Variants in NR5A1 observed in about 807,000 individuals in gnomAD.
NR5A1 encodes the protein nuclear receptor subfamily 5 group A member 1.
Under a neutral mutation model 42.7 loss-of-function variants are expected in NR5A1, and 6 were observed. The observed-to-expected ratio is 0.14, with a 90% CI of 0.08 to 0.28. The LOEUF (loss-of-function observed/expected upper bound fraction) is 0.28. NR5A1 is among the 10% of genes least tolerant of loss of function. The pLI is 1.00. For synonymous variants in NR5A1, 274 were observed against 277.5 expected (o/e 0.99, Z 0.12); for missense variants, 442 against 626.4 (o/e 0.71, Z 3.14).
At position 124,496,147 on chromosome 9, in the gene NR5A1, C is replaced by G. The variant is rs956049692; in HGVS notation, c.871-2998G>C. Among the ~76,000 whole-genome samples the G allele has an allele frequency of 6.6e-6, 1 of 151,672 alleles. No homozygotes were observed. The highest frequency in any genetic ancestry group is 6.6e-5 in the Admixed American group (1 of 15,230). On this transcript the variant is annotated intron_variant, in intron 4 of 6. Coordinates refer to ENST00000373588, the MANE Select transcript of NR5A1 (RefSeq NM_004959.5). The surrounding 1 kb of genome is among the most constrained non-coding windows in gnomAD (Gnocchi z 5.0). ...GTGGACAGATGGATGCATAAAGACA[C>G]CAAACTCCAAAACACTCCCCACACA...
chr9:124,492,053 T>C (rs1165178554), intron 5 of NR5A1, among the ~76,000 whole-genome samples: 3 of 152,076 alleles, frequency 2.0e-5, no homozygotes, highest in African/African-American at 7.2e-5. Flanking sequence ...CCTGCCCCGA[T>C]GGCCTGTGAC....
At chr9:124,483,982 A>G (rs374255954) in intron 6 of NR5A1, among the ~76,000 whole-genome samples, 9 of 152,230 alleles carry the variant, frequency 5.9e-5, no homozygotes, top group African/African-American at 1.9e-4. Context: ...ATCGTAAGTC[A>G]GAAGGCATTT....
At chr9:124,505,986 CA>C (rs1832552021) in intron 1 of NR5A1, among the ~76,000 whole-genome samples, 2 of 152,168 alleles carry the variant, frequency 1.3e-5, no homozygotes, top group African/African-American at 4.8e-5. Context: ...ACCATGAGGC[CA>C]AAAAGCTGCG....
At chr9:124,491,036 C>CCCCCCCAGGGGGGGT in intron 6 of NR5A1, 45 bp downstream of exon 6, 1 of 1,401,602 alleles carries the variant, frequency 7.1e-7, no homozygotes, top group Non-Finnish European at 9.6e-7. Flanking sequence ...CCCACCCACC[C>CCCCCCCAGGGGGGGT]GCCTCTGGCT....
chr9:124,486,576 T>A (rs935164050), intron 6 of NR5A1, among the ~76,000 whole-genome samples: 6 of 151,886 alleles, frequency 4.0e-5, no homozygotes, highest in African/African-American at 1.5e-4. Context: ...CATCCATGAG[T>A]TCTGTCCGAG....
chr9:124,506,870 C>G (rs12346284), intron 1 of NR5A1: 2,560 of 152,924 alleles, frequency 0.017, 183 homozygotes, highest in Admixed American at 0.13. Context: ...CAGCAAGACT[C>G]AGAGAGAGCC....
At chr9:124,499,966 G>C in intron 4 of NR5A1, 124 bp downstream of exon 4, 2 of 1,444,670 alleles carry the variant, frequency 1.4e-6, no homozygotes, top group Non-Finnish European at 1.9e-6. Flanking sequence ...GGTGGCCTCC[G>C]GGTCCCCAGG....
At position 124,491,212 on chromosome 9, in the gene NR5A1, A is replaced by G; in HGVS notation, c.1007T>C (p.Val336Ala). The G allele has an allele frequency of 6.2e-7, 1 of 1,605,594 alleles. No homozygotes were observed. The highest frequency in any genetic ancestry group is 8.5e-7 in the Non-Finnish European group (1 of 1,176,108). Residue 336 changes from valine to alanine, a missense_variant, in exon 6 of 7, where the codon GTG (valine) becomes GCG (alanine). By Grantham distance (64) the Val-to-Ala change is moderately conservative. Transcript: ENST00000373588. The part of the protein sequence containing the change: ...VTGQEVELTT[V>A]ATQAGSLLHS... ...CAGCAGCGAGCCCGCCTGGGTGGCC[A>G]CTGTGGTCAGCTCCACCTGGGGGCA...
chr9:124,502,925 A>G (rs1384893890), intron 3 of NR5A1, among the ~76,000 whole-genome samples, 154 bp downstream of exon 3: 1 of 151,892 alleles, frequency 6.6e-6, no homozygotes, highest in African/African-American at 2.4e-5. Context: ...ACCCAGCGCC[A>G]GCGCCCGGTT....
chr9:124,492,920 C>T, intron 5 of NR5A1, 110 bp downstream of exon 5: 1 of 1,308,830 alleles, frequency 7.6e-7, no homozygotes, highest in Non-Finnish European at 1.0e-6. Context: ...AATTAGGGTG[C>T]CCAGAGCCAG....
chr9:124,486,312 G>A (rs1455489818), intron 6 of NR5A1, among the ~76,000 whole-genome samples: 1 of 152,184 alleles, frequency 6.6e-6, no homozygotes, highest in Non-Finnish European at 1.5e-5. Context: ...GCACCCCCCA[G>A]GCACCTTGCA....
intron 6 of NR5A1, among the ~76,000 whole-genome samples, chr9:124,486,197 C>G (rs1832205508): frequency 6.6e-6 from 1 of 152,152 alleles, no homozygotes; most frequent in South Asian, 2.1e-4. Flanking sequence ...AGGTTGGAAA[C>G]CCCCGACTGC....
intron 1 of NR5A1, among the ~76,000 whole-genome samples, chr9:124,504,884 C>T (rs1418429433): frequency 1.4e-5 from 2 of 144,936 alleles, no homozygotes; most frequent in South Asian, 2.1e-4. Context: ...GCCTCCCCGC[C>T]CCCCATCCTG....
At chr9:124,505,875 G>C (rs1246859294) in intron 1 of NR5A1, among the ~76,000 whole-genome samples, 1 of 152,206 alleles carries the variant, frequency 6.6e-6, no homozygotes, top group Non-Finnish European at 1.5e-5. Context: ...CCATCCGCGG[G>C]GCCACTGTTT....
chr9:124,504,607 G>A (rs1042449059), intron 1 of NR5A1, among the ~76,000 whole-genome samples: 5 of 151,868 alleles, frequency 3.3e-5, no homozygotes, highest in Non-Finnish European at 5.9e-5. Context: ...AAGTCCGGAG[G>A]AGGGAAGCGC....
intron 4 of NR5A1, among the ~76,000 whole-genome samples, chr9:124,495,305 G>A (rs940572214): frequency 1.3e-5 from 2 of 152,178 alleles, no homozygotes; most frequent in East Asian, 1.9e-4. Context: ...ATGGAGCCGC[G>A]GTTTCCAGGA....
rs1048143904 is a variant in NR5A1, at chr9:124,493,242, C to T, written c.871-93G>A. The T allele has an allele frequency of 2.1e-5, 31 of 1,496,754 alleles. 1 individual carries two copies. The highest frequency in any genetic ancestry group is 1.8e-4 in the Middle Eastern group (1 of 5,686). 92.7% of individuals were successfully genotyped at this position (1,496,754 alleles called of 1,614,324 possible). ...CTCCTCCCACTGAGACCCAACTAGG[C>T]GTGCAGCCTGGGCAAGCTAACCTCT... On this transcript the variant is annotated intron_variant, in intron 4 of 6. Coordinates refer to ENST00000373588, the MANE Select transcript of NR5A1 (RefSeq NM_004959.5).
chr9:124,488,011 G>A (rs1832246782), intron 6 of NR5A1, among the ~76,000 whole-genome samples: 3 of 152,282 alleles, frequency 2.0e-5, no homozygotes, highest in African/African-American at 7.2e-5. Context: ...GCTTTGCACA[G>A]CTCAGCTCCT....
At chr9:124,488,016 G>C (rs1181972092) in intron 6 of NR5A1, among the ~76,000 whole-genome samples, 3 of 152,150 alleles carry the variant, frequency 2.0e-5, no homozygotes, top group African/African-American at 7.2e-5. Flanking sequence ...GCACAGCTCA[G>C]CTCCTGTCCC....
Sources: allele counts gnomAD v4.1 joint callset (sites outside exome capture counted in the v4.1 genomes callset), GRCh38; gene constraint gnomAD v4.1.1; non-coding constraint Gnocchi (gnomAD v3.1); transcripts MANE v1.5; gene names NCBI Gene and HGNC (gene_info 2026-07-23, HGNC 2026-07-21).